Variants in DIS3L2 observed in about 807,000 individuals in gnomAD.
DIS3L2 encodes the protein DIS3-like exonuclease 2.
DIS3L2 carries 34 observed loss-of-function variants against 97.5 expected under a neutral mutation model. That is an observed-to-expected ratio of 0.35 (90% confidence interval 0.27 to 0.46). DIS3L2 has a LOEUF of 0.46. DIS3L2 is among the 20% of genes least tolerant of loss of function. The probability of loss-of-function intolerance (pLI) is 1.00; values close to 1 mark genes in which losing one functional copy is unlikely to be tolerated. For synonymous variants in DIS3L2, 435 were observed against 445.2 expected, an observed-to-expected ratio of 0.98 and a Z score of 0.29; for missense variants, 1,038 against 1,146.0, an observed-to-expected ratio of 0.91 and a Z score of 1.36.
intron 5 of DIS3L2, among the ~76,000 whole-genome samples, chr2:232,067,568 G>T (rs1257316238): frequency 1.3e-5 from 2 of 152,110 alleles, no homozygotes; most frequent in African/African-American, 4.8e-5. Flanking sequence ...GTCTATTGTG[G>T]TAAACATTCT....
chr2:232,083,084 A>G (rs1409687135), intron 5 of DIS3L2, among the ~76,000 whole-genome samples: 2 of 151,320 alleles, frequency 1.3e-5, no homozygotes, highest in African/African-American at 4.9e-5. Flanking sequence ...CCATGATTCA[A>G]TTACCTCCCA....
At chr2:232,015,751 C>A in intron 3 of DIS3L2, 80 bp downstream of exon 3, 1 of 1,512,972 alleles carries the variant, frequency 6.6e-7, no homozygotes, top group Non-Finnish European at 8.9e-7. Flanking sequence ...CTGTTCTGTG[C>A]TATATGCTTT....
At chr2:232,245,603 T>A (rs1385394815) in intron 11 of DIS3L2, among the ~76,000 whole-genome samples, 1 of 152,268 alleles carries the variant, frequency 6.6e-6, no homozygotes, top group Admixed American at 6.5e-5. Context: ...GTCTGAATTC[T>A]GCTTTAAGAC....
chr2:232,339,801 G>T (rs1214604802), downstream of DIS3L2: 6 of 444,914 alleles, frequency 1.3e-5, no homozygotes, highest in East Asian at 2.1e-4. Context: ...GCTGTGACCT[G>T]CCCGGCATAG....
In DIS3L2 at chr2:232,334,422, C is replaced by G. The variant is rs1553551779; in HGVS notation, c.2212C>G (p.His738Asp). 1 of 1,613,800 alleles carries G rather than the reference C, an allele frequency of 6.2e-7. No individual in the cohort carries two copies. The highest frequency in any genetic ancestry group is 1.3e-5 in the African/African-American group (1 of 75,056). Reference protein sequence around the residue: ...APDTLQKQADHCNDRRMASKR... With the variant: ...APDTLQKQADDCNDRRMASKR... ...CGATACCCTGCAGAAACAGGCGGAC[C>G]ACTGTAACGACCGCCGCATGGCGTC... The change falls in exon 18 of 21, where the codon CAC becomes GAC. Residue 738 changes from histidine (H) to aspartate (D), a missense_variant. Coordinates refer to ENST00000325385, the MANE Select transcript of DIS3L2 (RefSeq NM_152383.5).
chr2:232,224,714 C>A (rs1037663267), intron 10 of DIS3L2, among the ~76,000 whole-genome samples: 3 of 151,886 alleles, frequency 2.0e-5, no homozygotes, highest in Admixed American at 6.6e-5. Context: ...TCATACACGC[C>A]TGTAATCCCA....
chr2:232,307,717 GGTTA>G (rs1223761562), intron 14 of DIS3L2: 1 of 152,106 alleles, frequency 6.6e-6, no homozygotes, highest in Non-Finnish European at 1.5e-5. Flanking sequence ...GGCTTACCCA[GGTTA>G]GTTCTAGTCT....
chr2:232,039,661 C>CTT (rs1695055522), intron 5 of DIS3L2, among the ~76,000 whole-genome samples: 1 of 152,076 alleles, frequency 6.6e-6, no homozygotes, highest in South Asian at 2.1e-4. Context: ...TCTCCTTATA[C>CTT]TTTTTATTAC....
intron 5 of DIS3L2, among the ~76,000 whole-genome samples, chr2:232,081,529 A>G (rs976182603): frequency 7.2e-5 from 11 of 151,950 alleles, no homozygotes; most frequent in Non-Finnish European, 1.6e-4. Flanking sequence ...AAACACTTGT[A>G]TAAAGAAAAA....
At chr2:232,343,436 G>A (rs779403107) in exon 14 of DIS3L2, 9 of 1,555,954 alleles carry the variant, frequency 5.8e-6, no homozygotes, top group East Asian at 2.4e-5. Flanking sequence ...ACAGAGGAAC[G>A]CCTGCCTGAG....
At chr2:232,221,621 T>C (rs1692509636) in intron 10 of DIS3L2, among the ~76,000 whole-genome samples, 1 of 152,016 alleles carries the variant, frequency 6.6e-6, no homozygotes, top group South Asian at 2.1e-4. Flanking sequence ...CTGGCCAACA[T>C]AGTGAAACCC....
At chr2:232,109,318 G>A (rs1697453359) in intron 6 of DIS3L2, among the ~76,000 whole-genome samples, 1 of 152,134 alleles carries the variant, frequency 6.6e-6, no homozygotes, top group Non-Finnish European at 1.5e-5. Flanking sequence ...GCACACATCT[G>A]TAATCTCAGT....
At chr2:232,026,974 C>T (rs893277676) in intron 4 of DIS3L2, among the ~76,000 whole-genome samples, 14 of 152,046 alleles carry the variant, frequency 9.2e-5, no homozygotes, top group African/African-American at 3.1e-4. Flanking sequence ...AAACAATTCA[C>T]CTCTAGGTAA....
intron 10 of DIS3L2, among the ~76,000 whole-genome samples, chr2:232,234,215 ACT>A (rs1046989614): frequency 6.6e-5 from 10 of 152,168 alleles, no homozygotes; most frequent in African/African-American, 2.4e-4. Context: ...TGACTGAAAA[ACT>A]CTCTGCATCT....
intron 9 of DIS3L2, among the ~76,000 whole-genome samples, chr2:232,197,492 A>G (rs1039157146): frequency 6.6e-6 from 1 of 152,194 alleles, no homozygotes; most frequent in Non-Finnish European, 1.5e-5. Flanking sequence ...TGAAGAAACT[A>G]TATCAGAACT....
chr2:232,306,473 T>C (rs1475519613), intron 14 of DIS3L2, among the ~76,000 whole-genome samples: 1 of 152,220 alleles, frequency 6.6e-6, no homozygotes, highest in Non-Finnish European at 1.5e-5. Flanking sequence ...TTTTTTCACT[T>C]CAAGCATCTG....
At chr2:232,272,663 C>T (rs1333354942) in intron 13 of DIS3L2, among the ~76,000 whole-genome samples, 1 of 152,118 alleles carries the variant, frequency 6.6e-6, no homozygotes, top group African/African-American at 2.4e-5. Flanking sequence ...GGTTAGAAGG[C>T]AATCTAACAG....
chr2:232,252,635 T>G (rs1693449209), intron 12 of DIS3L2, among the ~76,000 whole-genome samples: 1 of 152,230 alleles, frequency 6.6e-6, no homozygotes, highest in Admixed American at 6.5e-5. Flanking sequence ...GCACAGTGGC[T>G]CACGCCTGTA....
chr2:232,082,181 C>G (rs1696424353), intron 5 of DIS3L2, among the ~76,000 whole-genome samples: 1 of 152,154 alleles, frequency 6.6e-6, no homozygotes, highest in African/African-American at 2.4e-5. Flanking sequence ...TCTTTTCCCC[C>G]CATACCTTTT....
Sources: gnomAD v4.1 joint callset for allele counts (sites outside exome capture counted in the v4.1 genomes callset) on GRCh38, gnomAD v4.1.1 for gene constraint, MANE v1.5 for transcripts, NCBI Gene and HGNC (gene_info 2026-07-23, HGNC 2026-07-21) for gene names.